ZNF385D: variants seen among roughly 807,000 people sequenced by gnomAD.
ZNF385D encodes zinc finger protein 385D, also known as zinc finger protein 659.
ZNF385D carries 15 observed loss-of-function variants against 35.8 expected under a neutral mutation model. That is an observed-to-expected ratio of 0.42 (90% CI 0.28 to 0.64). The LOEUF (loss-of-function observed/expected upper bound fraction) is 0.64, where lower values mean the gene tolerates loss of function less well. Among genes scored for constraint, ZNF385D ranks in the 30% least tolerant of loss-of-function variants. The probability of loss-of-function intolerance (pLI) is 0.23; values close to 1 mark genes in which losing one functional copy is unlikely to be tolerated. For missense variants in ZNF385D, 474 were observed against 494.6 expected (o/e 0.96, Z 0.39); for synonymous variants, 212 against 186.8 (o/e 1.13, Z -1.10).
chr3:22,341,893 G>T (rs746003500), intron 2 of ZNF385D, among the ~76,000 whole-genome samples: 41 of 152,286 alleles, frequency 2.7e-4, no homozygotes, highest in Non-Finnish European at 5.6e-4. Context: ...CAGTAAATTT[G>T]AGCTATTACT....
In ZNF385D at chr3:21,729,915, G is replaced by C. The variant is rs114494387; in HGVS notation, c.22+20980C>G. Among the ~76,000 whole-genome samples, 1,168 of 152,210 alleles carry C rather than the reference G, an allele frequency of 7.7e-3. 12 individuals carry two copies. The highest frequency in any genetic ancestry group is 0.026 in the African/African-American group (1,074 of 41,530). ...TGCAGGAGCAACCTACTCCAGACCT[G>C]CTTTCACAATGCACGGACTTCATTC... is the stretch of plus-strand genomic sequence containing the variant. On this transcript the variant is annotated intron_variant, in intron 1 of 7. Transcript: ENST00000281523.
intron 1 of ZNF385D, among the ~76,000 whole-genome samples, chr3:21,750,581 C>T (rs1158757134): frequency 6.6e-6 from 1 of 152,182 alleles, no homozygotes; most frequent in African/African-American, 2.4e-5. Context: ...TCCCACGCTG[C>T]ACTATTTCTC....
chr3:21,922,980 A>G (rs1037433028), intron 3 of ZNF385D, among the ~76,000 whole-genome samples: 4 of 152,188 alleles, frequency 2.6e-5, no homozygotes, highest in Non-Finnish European at 4.4e-5. Flanking sequence ...AAAGACATGA[A>G]CATACACTTC....
chr3:21,619,347 C>G (rs186028185), intron 2 of ZNF385D, among the ~76,000 whole-genome samples: 7 of 152,156 alleles, frequency 4.6e-5, no homozygotes, highest in Non-Finnish European at 1.0e-4. Context: ...TGCACCTGAT[C>G]ACTAACAAAC....
At chr3:22,034,438 T>C (rs1449930998) in intron 3 of ZNF385D, among the ~76,000 whole-genome samples, 2 of 152,164 alleles carry the variant, frequency 1.3e-5, no homozygotes, top group African/African-American at 4.8e-5. Context: ...CAAGTCTTAG[T>C]CTTAGCGGCC....
chr3:21,973,800 A>G (rs981992902), intron 3 of ZNF385D, among the ~76,000 whole-genome samples: 1 of 152,154 alleles, frequency 6.6e-6, no homozygotes, highest in Admixed American at 6.5e-5. Flanking sequence ...TCTGAAAAAC[A>G]TATCAAAAAA....
At chr3:22,177,378 G>A (rs116462097) in intron 2 of ZNF385D, among the ~76,000 whole-genome samples, 5,120 of 152,190 alleles carry the variant, frequency 0.034, 109 homozygotes, top group Non-Finnish European at 0.052. Flanking sequence ...TTGTTCTTAT[G>A]TATATCTGGT....
At chr3:21,729,901 C>A (rs1341846722) in intron 1 of ZNF385D, among the ~76,000 whole-genome samples, 1 of 152,186 alleles carries the variant, frequency 6.6e-6, no homozygotes, top group African/African-American at 2.4e-5. Context: ...GCAGGAGCAA[C>A]CTACTCCAGA....
intron 3 of ZNF385D, among the ~76,000 whole-genome samples, chr3:21,803,045 T>A (rs2072479472): frequency 6.6e-6 from 1 of 152,134 alleles, no homozygotes; most frequent in Non-Finnish European, 1.5e-5. Flanking sequence ...TGTTAAGAGT[T>A]TGTCTAACTT....
At chr3:21,794,423 A>T in intron 3 of ZNF385D, among the ~76,000 whole-genome samples, 1 of 152,052 alleles carries the variant, frequency 6.6e-6, no homozygotes, top group East Asian at 1.9e-4. Context: ...GTGGATTAGA[A>T]AGTTTCTGAA....
At position 21,926,231 on chromosome 3, in the gene ZNF385D, C is replaced by A. The variant is rs569599635; in HGVS notation, c.325+242586G>T. Among the ~76,000 whole-genome samples the A allele has an allele frequency of 2.0e-5, 3 of 152,054 alleles. No homozygotes were observed. In the East Asian group the frequency reaches 5.8e-4, roughly 29 times the overall value. ...ATATGTGCCACAGTGGTTTGCTGCT[C>A]CCATAAACCTGTCATCTTCATTAGG... On this transcript the variant is annotated intron_variant, in intron 3 of 5. Transcript: ENST00000494108.
intron 2 of ZNF385D, among the ~76,000 whole-genome samples, chr3:22,369,574 C>T (rs938761502): frequency 6.6e-6 from 1 of 152,068 alleles, no homozygotes; most frequent in African/African-American, 2.4e-5. Flanking sequence ...AGTAAATTAT[C>T]GTTAATTTCC....
At chr3:21,989,025 G>A (rs1007063460) in intron 3 of ZNF385D, among the ~76,000 whole-genome samples, 15 of 152,146 alleles carry the variant, frequency 9.9e-5, no homozygotes, top group Admixed American at 7.2e-4. Context: ...CGCACGGTGC[G>A]CGCACCCACT....
rs546155656 is a variant in ZNF385D at position 21,600,345 on chromosome 3, C to G, written c.166-35661G>C. ...TCTCTTGGGGTCTGAATCAGGACCCCTTTGTTGTAATACTCCCATTATTAG... is the reference window on the plus strand; with the variant it reads ...TCTCTTGGGGTCTGAATCAGGACCCGTTTGTTGTAATACTCCCATTATTAG... On this transcript the variant is annotated intron_variant, in intron 2 of 7. Transcript: ENST00000281523. 1.2e-4 allele frequency among the ~76,000 whole-genome samples: 18 copies of G among 152,230 alleles called. No homozygotes were observed. In the East Asian group the frequency reaches 3.1e-3, roughly 26 times the overall value.
At chr3:21,460,506 T>C (rs191690329) in intron 4 of ZNF385D, among the ~76,000 whole-genome samples, 82 of 151,700 alleles carry the variant, frequency 5.4e-4, no homozygotes, top group African/African-American at 1.9e-3. Flanking sequence ...ACAAAATAAA[T>C]AAAGCAACCA....
intron 3 of ZNF385D, among the ~76,000 whole-genome samples, chr3:22,036,558 AT>A (rs979760957): frequency 2.4e-4 from 36 of 151,278 alleles, no homozygotes; most frequent in Admixed American, 5.9e-4. Context: ...TGGCAAATGA[AT>A]TTTTTTTTAG....
Position 21,522,216 on chromosome 3 carries a change from C to A in ZNF385D, c.277-11193G>T, listed in dbSNP as rs146945415. On this transcript the variant is annotated intron_variant, in intron 3 of 7. Transcript: ENST00000281523. ...ATCTCAGGGCACCCCTGTGACCAAACAGAACTCTGAAGTGGGACATTTTAT... is the reference window on the plus strand; with the variant it reads ...ATCTCAGGGCACCCCTGTGACCAAAAAGAACTCTGAAGTGGGACATTTTAT... 4.6e-3 allele frequency among the ~76,000 whole-genome samples: 695 copies of A among 152,270 alleles called. 2 individuals are homozygous for A. The highest frequency in any genetic ancestry group is 5.6e-3 in the Non-Finnish European group (378 of 68,016).
chr3:21,476,378 GATAATTGCCAACT>G (rs1272947981), intron 4 of ZNF385D, among the ~76,000 whole-genome samples: 1 of 152,004 alleles, frequency 6.6e-6, no homozygotes, highest in Non-Finnish European at 1.5e-5. Context: ...CCTTGAAAGG[GATAATTGCCAACT>G]CTATTATTTA....
At chr3:21,597,352 T>C (rs1163815280) in intron 2 of ZNF385D, among the ~76,000 whole-genome samples, 1 of 147,080 alleles carries the variant, frequency 6.8e-6, no homozygotes, top group East Asian at 2.0e-4. Context: ...TGTTAAAAAC[T>C]GTTAATTCAA....
Sources: allele counts gnomAD v4.1 joint callset (sites outside exome capture counted in the v4.1 genomes callset), GRCh38; gene constraint gnomAD v4.1.1; transcripts MANE v1.5; gene names NCBI Gene and HGNC (gene_info 2026-07-23, HGNC 2026-07-21).